The following DIAPH3 variants were observed in gnomAD, a reference collection of about 807,000 sequenced individuals.
DIAPH3 encodes the protein protein diaphanous homolog 3.
Under a neutral mutation model 144.3 loss-of-function variants are expected in DIAPH3, and 117 were observed. The observed-to-expected ratio is 0.81, with a 90% CI of 0.70 to 0.95. The LOEUF (loss-of-function observed/expected upper bound fraction) is 0.95, where lower values mean the gene tolerates loss of function less well. DIAPH3 is among the 40% of genes least tolerant of loss of function. The pLI is 0.00. For missense variants in DIAPH3, 1,421 were observed against 1,412.7 expected, an observed-to-expected ratio of 1.01 and a Z score of -0.09; for synonymous variants, 519 against 488.9, an observed-to-expected ratio of 1.06 and a Z score of -0.81.
chr13:59,996,395 T>A (rs1413930814), intron 9 of DIAPH3, among the ~76,000 whole-genome samples: 2 of 152,096 alleles, frequency 1.3e-5, no homozygotes, highest in African/African-American at 4.8e-5. Flanking sequence ...GGAAAGCCAA[T>A]ACTGTAAGCT....
At chr13:59,802,660 TA>T (rs1486130642) in intron 25 of DIAPH3, among the ~76,000 whole-genome samples, 103 of 35,454 alleles carry the variant, frequency 2.9e-3, no homozygotes, top group South Asian at 9.3e-3. Context: ...TTATTATTAT[TA>T]TTATTATTTT....
At chr13:59,914,894 A>G (rs926472919) in intron 19 of DIAPH3, among the ~76,000 whole-genome samples, 1 of 152,234 alleles carries the variant, frequency 6.6e-6, no homozygotes, top group African/African-American at 2.4e-5. Flanking sequence ...TTTTAAGCAA[A>G]TAAGTTCTTG....
At position 60,007,564 on chromosome 13, in the gene DIAPH3, G is replaced by A. The variant is rs566848211; in HGVS notation, c.1014+980C>T. ...CATTGGCTTTGAAACTTTGCTGCAC[G>A]TTAGGATCACCTGAGGATCATTTTA... On this transcript the variant is annotated intron_variant, in intron 9 of 27. Coordinates refer to ENST00000400324, the MANE Select transcript of DIAPH3 (RefSeq NM_001042517.2). 8.5e-5 allele frequency among the ~76,000 whole-genome samples: 13 copies of A among 152,160 alleles called. No homozygotes were observed. The East Asian group carries it at 1.2e-3, about 14-fold the overall frequency.
rs956139864 is a variant in DIAPH3, at chr13:59,980,161, A to G, written c.1545+634T>C. On this transcript the variant is annotated intron_variant, in intron 14 of 27. Coordinates refer to ENST00000400324, the MANE Select transcript of DIAPH3 (RefSeq NM_001042517.2). Reference sequence around the variant, plus strand: ...AGGAATTGGCTGGATGGTTAGAAATACTACTGAGTTGAAACAAAACTGGTT... The same window carrying G: ...AGGAATTGGCTGGATGGTTAGAAATGCTACTGAGTTGAAACAAAACTGGTT... Among the ~76,000 whole-genome samples the G allele has an allele frequency of 2.7e-4, 41 of 151,760 alleles. 1 individual carries two copies. Among genetic ancestry groups the G allele is most frequent in the Admixed American group, 2.6e-3 (40 of 15,182 alleles).
chr13:59,929,236 T>C (rs942424475), intron 17 of DIAPH3, among the ~76,000 whole-genome samples: 1 of 152,178 alleles, frequency 6.6e-6, no homozygotes, highest in Admixed American at 6.5e-5. Flanking sequence ...ATAAGGGATA[T>C]TCAACCTGTA....
intron 3 of DIAPH3, among the ~76,000 whole-genome samples, chr13:60,097,279 T>A (rs1465352591): frequency 6.6e-6 from 1 of 152,230 alleles, no homozygotes; most frequent in Non-Finnish European, 1.5e-5. Flanking sequence ...TAGTGGGACG[T>A]GTCTGGGTCA....
chr13:59,902,094 A>G (rs1234588316), intron 20 of DIAPH3, among the ~76,000 whole-genome samples: 1 of 152,226 alleles, frequency 6.6e-6, no homozygotes, highest in Non-Finnish European at 1.5e-5. Context: ...GGTTAAATCA[A>G]TGAATCAGTT....
chr13:59,962,844 T>C (rs1283771264), intron 17 of DIAPH3, among the ~76,000 whole-genome samples: 1 of 152,174 alleles, frequency 6.6e-6, no homozygotes, highest in East Asian at 1.9e-4. Flanking sequence ...ACCTTAATTT[T>C]GAAATACTGA....
intron 21 of DIAPH3, among the ~76,000 whole-genome samples, chr13:59,870,804 G>A (rs980323238): frequency 1.3e-5 from 2 of 151,848 alleles, no homozygotes; most frequent in Non-Finnish European, 2.9e-5. Flanking sequence ...CCTAGTAGCT[G>A]GGATTACAAG....
chr13:59,979,124 C>T lies in DIAPH3; in HGVS notation c.1545+1671G>A, dbSNP rs574182542. On this transcript the variant is annotated intron_variant, in intron 14 of 27. Coordinates refer to ENST00000400324, the MANE Select transcript of DIAPH3 (RefSeq NM_001042517.2). ...AGCAAATAGTATTTTCTGAATCTAA[C>T]TAACACATATAATTTCTGACTAAAA... 4.6e-5 allele frequency among the ~76,000 whole-genome samples: 7 copies of T among 151,718 alleles called. No homozygotes were observed. In the East Asian group the frequency reaches 1.2e-3, roughly 25 times the overall value.
At chr13:60,075,475 T>A (rs1240053745) in intron 4 of DIAPH3, among the ~76,000 whole-genome samples, 2 of 152,238 alleles carry the variant, frequency 1.3e-5, no homozygotes, top group Admixed American at 1.3e-4. Context: ...GATTTTAACC[T>A]GCTCAATAGC....
At chr13:59,673,496 C>T (rs1184784574) in intron 27 of DIAPH3, among the ~76,000 whole-genome samples, 1 of 152,134 alleles carries the variant, frequency 6.6e-6, no homozygotes, top group Non-Finnish European at 1.5e-5. Context: ...TCATGTTGGG[C>T]CCCTCAGATG....
At chr13:59,900,428 C>T in intron 20 of DIAPH3, among the ~76,000 whole-genome samples, 1 of 152,054 alleles carries the variant, frequency 6.6e-6, no homozygotes, top group East Asian at 1.9e-4. Context: ...CTACAAATGC[C>T]AAATATCCCT....
chr13:59,878,248 T>C (rs1473342619), intron 21 of DIAPH3, among the ~76,000 whole-genome samples: 1 of 151,970 alleles, frequency 6.6e-6, no homozygotes, highest in African/African-American at 2.4e-5. Flanking sequence ...CAAATACAGC[T>C]GCCTAAGAAA....
chr13:59,741,384 C>G (rs377306217), intron 27 of DIAPH3, among the ~76,000 whole-genome samples: 4 of 152,094 alleles, frequency 2.6e-5, no homozygotes, highest in African/African-American at 9.7e-5. Flanking sequence ...TCATATTCCA[C>G]CTAATGAAAG....
intron 27 of DIAPH3, among the ~76,000 whole-genome samples, chr13:59,704,850 G>A (rs567075560): frequency 3.9e-5 from 6 of 152,232 alleles, no homozygotes; most frequent in African/African-American, 9.6e-5. Flanking sequence ...GTTAAGTGCC[G>A]TCTGACTATA....
rs2031978738 is a variant in DIAPH3 at position 59,665,802 on chromosome 13, T to C, written c.*782A>G. 2 of 152,634 alleles carry C rather than the reference T, an allele frequency of 1.3e-5. No individual in the cohort carries two copies. Among genetic ancestry groups the C allele is most frequent in the Non-Finnish European group, 1.5e-5 (1 of 68,024 alleles). 9.5% of individuals were successfully genotyped at this position (152,634 alleles called of 1,614,324 possible). A position where few individuals can be genotyped will look rare whatever the true frequency, so the allele number is the denominator to read the frequency against. Reference sequence around the variant, plus strand: ...AGTTGTTACTTTGGAAATTTCAAAATGGCAATTTTATCTCAGAGTCATAAT... The same window carrying C: ...AGTTGTTACTTTGGAAATTTCAAAACGGCAATTTTATCTCAGAGTCATAAT... On this transcript the variant is annotated 3_prime_UTR_variant, in exon 28 of 28. Coordinates refer to ENST00000400324, the MANE Select transcript of DIAPH3 (RefSeq NM_001042517.2).
intron 7 of DIAPH3, chr13:60,012,988 TA>T: frequency 1.0e-6 from 1 of 984,824 alleles, no homozygotes; most frequent in South Asian, 4.7e-5. Flanking sequence ...CTCAATTATT[TA>T]AAAAACATAG....
chr13:59,840,191 G>A (rs2042262137), intron 22 of DIAPH3, among the ~76,000 whole-genome samples: 1 of 152,086 alleles, frequency 6.6e-6, no homozygotes, highest in Non-Finnish European at 1.5e-5. Context: ...AAAGAAGATA[G>A]AGTGACCTAA....
Sources: gnomAD v4.1 joint callset for allele counts (sites outside exome capture counted in the v4.1 genomes callset) on GRCh38, gnomAD v4.1.1 for gene constraint, MANE v1.5 for transcripts, NCBI Gene and HGNC (gene_info 2026-07-23, HGNC 2026-07-21) for gene names.